The following IPMK variants were observed in gnomAD, a reference collection of about 807,000 sequenced individuals.
IPMK encodes inositol polyphosphate multikinase.
A neutral mutation model predicts 45.8 loss-of-function variants in IPMK; 17 were observed. That is an observed-to-expected ratio of 0.37 (90% confidence interval 0.25 to 0.56). The LOEUF (loss-of-function observed/expected upper bound fraction) is 0.56. Among genes scored for constraint, IPMK ranks in the 20% least tolerant of loss-of-function variants. IPMK has a pLI of 0.79. For missense variants in IPMK, 399 were observed against 498.0 expected (o/e 0.80, Z 1.89); for synonymous variants, 180 against 184.3 (o/e 0.98, Z 0.19).
intron 4 of IPMK, among the ~76,000 whole-genome samples, chr10:58,208,812 G>C (rs912970467): frequency 6.6e-6 from 1 of 151,378 alleles, no homozygotes; most frequent in African/African-American, 2.4e-5. Context: ...CCATAGAGGG[G>C]GTATCCCTGC....
chr10:58,202,250 C>G lies in IPMK; in HGVS notation c.547-2929G>C, dbSNP rs150803395. On this transcript the variant is annotated intron_variant, in intron 4 of 5. Coordinates refer to ENST00000373935, the MANE Select transcript of IPMK (RefSeq NM_152230.5). ...AAAATGCCACCTAGGGTTTTCATAG[C>G]TAGAGATAAGAAGTCAGTATCTGGC... is the stretch of plus-strand genomic sequence containing the variant. Among the ~76,000 whole-genome samples, 130 of 152,214 alleles carry G rather than the reference C, an allele frequency of 8.5e-4. 1 individual carries two copies. The highest frequency in any genetic ancestry group is 3.1e-3 in the African/African-American group (128 of 41,542).
chr10:58,255,598 CT>C (rs1265915683), intron 1 of IPMK, among the ~76,000 whole-genome samples: 1 of 151,936 alleles, frequency 6.6e-6, no homozygotes, highest in Non-Finnish European at 1.5e-5. Flanking sequence ...GGTAGGGGAT[CT>C]TCTATTCTGC....
At chr10:58,216,797 G>A (rs758608433) in intron 3 of IPMK, among the ~76,000 whole-genome samples, 2 of 152,136 alleles carry the variant, frequency 1.3e-5, no homozygotes, top group Non-Finnish European at 2.9e-5. Flanking sequence ...TCCAAATGAT[G>A]ATAATTGTCA....
At chr10:58,206,983 GTA>G (rs59628756) in intron 4 of IPMK, among the ~76,000 whole-genome samples, 1 of 150,272 alleles carries the variant, frequency 6.7e-6, no homozygotes. Context: ...AGTCCACCAT[GTA>G]TATATATATA....
At chr10:58,239,765 C>G (rs892415497) in intron 1 of IPMK, among the ~76,000 whole-genome samples, 11 of 152,134 alleles carry the variant, frequency 7.2e-5, no homozygotes, top group Non-Finnish European at 1.6e-4. Context: ...TCTGAGCCTG[C>G]AACCAAATCC....
intron 1 of IPMK, among the ~76,000 whole-genome samples, chr10:58,258,218 G>A (rs1412905988): frequency 6.6e-6 from 1 of 152,174 alleles, no homozygotes; most frequent in East Asian, 1.9e-4. Context: ...GCTGAGGCAG[G>A]AGAATTGCTT....
Position 58,194,442 on chromosome 10 carries a change from A to G in IPMK, c.*1634T>C, listed in dbSNP as rs906345803. The G allele has an allele frequency of 1.3e-5, 2 of 151,934 alleles. No individual in the cohort carries two copies. The highest frequency in any genetic ancestry group is 4.8e-5 in the African/African-American group (2 of 41,452). 9.4% of individuals were successfully genotyped at this position (151,934 alleles called of 1,614,324 possible). ...ATACACCAATTCTAAATAAAAAATT[A>G]AAATCAAATTTTGCTATTACAAAAT... On this transcript the variant is annotated 3_prime_UTR_variant, in exon 6 of 6. Transcript: ENST00000373935.
At chr10:58,249,566 G>C (rs906588918) in intron 1 of IPMK, among the ~76,000 whole-genome samples, 11 of 152,024 alleles carry the variant, frequency 7.2e-5, no homozygotes, top group African/African-American at 2.4e-4. Flanking sequence ...GATTATTTTT[G>C]CTGTTGAGTT....
At chr10:58,208,004 G>T (rs993896308) in intron 4 of IPMK, among the ~76,000 whole-genome samples, 3 of 151,808 alleles carry the variant, frequency 2.0e-5, no homozygotes, top group African/African-American at 7.3e-5. Flanking sequence ...GCAGTGGCGC[G>T]ATCTCGGCTC....
At chr10:58,200,993 A>G (rs961924888) in intron 4 of IPMK, among the ~76,000 whole-genome samples, 1 of 152,222 alleles carries the variant, frequency 6.6e-6, no homozygotes, top group Non-Finnish European at 1.5e-5. Context: ...GCAGAAATCA[A>G]AAGAAAAATA....
intron 4 of IPMK, among the ~76,000 whole-genome samples, chr10:58,211,910 A>AT (rs1838168702): frequency 1.3e-5 from 2 of 150,722 alleles, no homozygotes; most frequent in African/African-American, 4.9e-5. Context: ...CCAAAAAAAA[A>AT]AAAAAAAAAA....
chr10:58,197,550 T>G (rs559752269), intron 5 of IPMK, among the ~76,000 whole-genome samples: 252 of 149,636 alleles, frequency 1.7e-3, no homozygotes, highest in Non-Finnish European at 3.0e-3. Context: ...CTCGGGAGGC[T>G]GAGGCAGGAG....
At chr10:58,244,336 A>G (rs1378095283) in intron 1 of IPMK, among the ~76,000 whole-genome samples, 2 of 124,436 alleles carry the variant, frequency 1.6e-5, no homozygotes, top group Non-Finnish European at 3.3e-5. Context: ...GGAAGTGAGG[A>G]GCGCCTCTGC....
intron 2 of IPMK, among the ~76,000 whole-genome samples, chr10:58,229,405 A>T: frequency 6.6e-6 from 1 of 151,932 alleles, no homozygotes; most frequent in East Asian, 1.9e-4. Context: ...TCTACCAAAA[A>T]TACAAAAATT....
intron 1 of IPMK, among the ~76,000 whole-genome samples, chr10:58,253,533 T>C (rs1838915822): frequency 6.6e-6 from 1 of 151,546 alleles, no homozygotes; most frequent in African/African-American, 2.4e-5. Flanking sequence ...GTTTCAGGAG[T>C]TCGAGACCAG....
chr10:58,208,004 G>A (rs993896308), intron 4 of IPMK, among the ~76,000 whole-genome samples: 1 of 151,808 alleles, frequency 6.6e-6, no homozygotes, highest in Non-Finnish European at 1.5e-5. Context: ...GCAGTGGCGC[G>A]ATCTCGGCTC....
chr10:58,211,620 A>G (rs1042211677), intron 4 of IPMK, among the ~76,000 whole-genome samples: 6 of 151,736 alleles, frequency 4.0e-5, no homozygotes. Flanking sequence ...ACTGCTTGGG[A>G]TTGCCCAGGA....
Position 58,193,928 on chromosome 10 carries a change from C to T in IPMK, c.*2148G>A, listed in dbSNP as rs1486402258. 6.6e-6 allele frequency: 1 copy of T among 151,752 alleles called. No homozygotes were observed. The highest frequency in any genetic ancestry group is 1.5e-5 in the Non-Finnish European group (1 of 67,718). 9.4% of individuals were successfully genotyped at this position (151,752 alleles called of 1,614,324 possible). ...GCAACATAAAATGAGCATTGGATAA[C>T]AATGATAACAAATGTAAACAAACAG... On this transcript the variant is annotated 3_prime_UTR_variant, in exon 6 of 6. Transcript: ENST00000373935.
intron 1 of IPMK, among the ~76,000 whole-genome samples, chr10:58,250,715 A>C (rs912624297): frequency 2.6e-5 from 4 of 152,158 alleles, no homozygotes; most frequent in Non-Finnish European, 2.9e-5. Context: ...ACTTCCACTC[A>C]AATAGGAGTA....
Sources: gnomAD v4.1 joint callset for allele counts (sites outside exome capture counted in the v4.1 genomes callset) on GRCh38, gnomAD v4.1.1 for gene constraint, MANE v1.5 for transcripts, NCBI Gene and HGNC (gene_info 2026-07-23, HGNC 2026-07-21) for gene names.